MGAT5: variants seen among roughly 807,000 people sequenced by gnomAD.
MGAT5 encodes alpha-1,6-mannosylglycoprotein 6-beta-N-acetylglucosaminyltransferase.
In MGAT5, 30 loss-of-function variants were observed where a neutral mutation model predicts 94.3. The observed-to-expected ratio is 0.32, with a 90% CI of 0.24 to 0.43. The LOEUF (loss-of-function observed/expected upper bound fraction) is 0.43, where lower values mean the gene tolerates loss of function less well. MGAT5 is among the 20% of genes least tolerant of loss of function. The probability of loss-of-function intolerance (pLI) is 1.00; values close to 1 mark genes in which losing one functional copy is unlikely to be tolerated. For missense variants in MGAT5, 691 were observed against 905.5 expected, an observed-to-expected ratio of 0.76 and a Z score of 3.04; for synonymous variants, 310 against 322.9, an observed-to-expected ratio of 0.96 and a Z score of 0.43.
intron 10 of MGAT5, among the ~76,000 whole-genome samples, chr2:134,385,116 T>C (rs990252098): frequency 1.3e-5 from 2 of 152,224 alleles, no homozygotes; most frequent in Non-Finnish European, 2.9e-5. Context: ...AAGCTGCTGT[T>C]ATTGATTCTA....
Position 134,399,320 on chromosome 2 carries a change from T to C in MGAT5, c.1381-3668T>C, listed in dbSNP as rs193213880. Among the ~76,000 whole-genome samples the C allele has an allele frequency of 2.0e-4, 30 of 152,300 alleles. No individual in the cohort carries two copies. The East Asian group carries it at 5.4e-3, about 27-fold the overall frequency. On this transcript the variant is annotated intron_variant, in intron 10 of 15. Coordinates refer to ENST00000281923, the MANE Select transcript of MGAT5 (RefSeq NM_002410.5). ...GTAAATTGAATTGTTTTTCTAAAGC[T>C]TTCTCTCCAAGCTCTAAATATCTTA... is the stretch of plus-strand genomic sequence containing the variant.
chr2:134,435,806 A>G (rs1685137701), intron 14 of MGAT5, among the ~76,000 whole-genome samples: 1 of 152,236 alleles, frequency 6.6e-6, no homozygotes, highest in Non-Finnish European at 1.5e-5. Flanking sequence ...AGGAATGAGT[A>G]CTTATGATAA....
chr2:134,204,923 C>A (rs1370106477), intron 1 of MGAT5, among the ~76,000 whole-genome samples: 2 of 152,064 alleles, frequency 1.3e-5, no homozygotes, highest in African/African-American at 4.8e-5. Context: ...TGAGTGGTTG[C>A]TTTTGGTAGG....
At chr2:134,259,457 T>C (rs1683184630) in intron 1 of MGAT5, among the ~76,000 whole-genome samples, 1 of 152,224 alleles carries the variant, frequency 6.6e-6, no homozygotes, top group Non-Finnish European at 1.5e-5. Flanking sequence ...TGAACAGTAA[T>C]GGAAATCTGA....
intron 14 of MGAT5, 124 bp downstream of exon 14, chr2:134,428,563 T>A: frequency 1.2e-6 from 1 of 805,154 alleles, no homozygotes; most frequent in Non-Finnish European, 2.0e-6. Flanking sequence ...TGGGAGACTC[T>A]AGAAGCTGGA....
intron 1 of MGAT5, among the ~76,000 whole-genome samples, chr2:134,260,342 G>A (rs956456035): frequency 6.6e-6 from 1 of 152,226 alleles, no homozygotes; most frequent in Non-Finnish European, 1.5e-5. Context: ...GCTTTTGGTT[G>A]CTGGTTGGGG....
rs1679967314 is a variant in MGAT5, at chr2:134,205,130, A to G, written c.-142-49132A>G. Among the ~76,000 whole-genome samples, 4 of 152,220 alleles carry G rather than the reference A, an allele frequency of 2.6e-5. No homozygotes were observed. In the South Asian group the frequency reaches 6.2e-4, roughly 24 times the overall value. On this transcript the variant is annotated intron_variant, in intron 1 of 16. Transcript: ENST00000409645. ...ATGGCATGTGAGTAAGAAAGAGAGT[A>G]GGAGAGAGGTCAAGGGGTAGGCAGT...
intron 15 of MGAT5, among the ~76,000 whole-genome samples, chr2:134,442,992 A>G (rs527623783): frequency 6.6e-6 from 1 of 152,256 alleles, no homozygotes; most frequent in South Asian, 2.1e-4. Flanking sequence ...GTCCCTGTTC[A>G]GGCTTCACGC....
At chr2:134,234,989 A>AT (rs11428271) in intron 1 of MGAT5, among the ~76,000 whole-genome samples, 120,418 of 150,828 alleles carry the variant, frequency 0.8, 48,269 homozygotes, top group Non-Finnish European at 0.82. Flanking sequence ...GACCACCAGA[A>AT]TTTTTTTTTT....
intron 10 of MGAT5, among the ~76,000 whole-genome samples, chr2:134,381,382 TTAGATAGATAGATAGA>T (rs61246431): frequency 1.0e-4 from 11 of 108,506 alleles, no homozygotes; most frequent in African/African-American, 3.3e-4. Context: ...ATAAGATAGA[TTAGATAGATAGATAGA>T]TAGATAGATA....
At chr2:134,127,520 C>A (rs1428123340) in intron 1 of MGAT5, among the ~76,000 whole-genome samples, 2 of 126,654 alleles carry the variant, frequency 1.6e-5, no homozygotes, top group African/African-American at 2.7e-5. Flanking sequence ...CTTGTTCCAA[C>A]CCCCCCAAAA....
At chr2:134,412,815 G>T (rs1226532318) in intron 11 of MGAT5, 54 bp from the exon 12 acceptor site, 1 of 1,596,136 alleles carries the variant, frequency 6.3e-7, no homozygotes, top group Non-Finnish European at 8.6e-7. Flanking sequence ...TGCCCGTCCT[G>T]CCTGATGGTC....
At chr2:134,403,625 C>G (rs191401982) in intron 11 of MGAT5, among the ~76,000 whole-genome samples, 1 of 152,300 alleles carries the variant, frequency 6.6e-6, no homozygotes, top group South Asian at 2.1e-4. Context: ...GCTCAGGAAG[C>G]AGAGCAAGCA....
intron 1 of MGAT5, among the ~76,000 whole-genome samples, chr2:134,264,515 A>G (rs1683571446): frequency 6.6e-6 from 1 of 152,152 alleles, no homozygotes; most frequent in Non-Finnish European, 1.5e-5. Context: ...AATGTAATTT[A>G]ATCTTTTTAT....
chr2:134,358,343 T>A (rs982746097), intron 9 of MGAT5, among the ~76,000 whole-genome samples: 1 of 152,200 alleles, frequency 6.6e-6, no homozygotes, highest in Non-Finnish European at 1.5e-5. Context: ...ATGTAACTTA[T>A]TTTTTCTCAT....
intron 1 of MGAT5, among the ~76,000 whole-genome samples, chr2:134,242,349 A>C (rs1156761337): frequency 6.6e-6 from 1 of 152,208 alleles, no homozygotes; most frequent in African/African-American, 2.4e-5. Context: ...TTGTCCTATA[A>C]GGACTCCTAG....
intron 1 of MGAT5, among the ~76,000 whole-genome samples, chr2:134,189,602 G>GGTTTTTTTTTTTTTTTTTTTT (rs1558978046): frequency 2.4e-5 from 2 of 84,672 alleles, no homozygotes; most frequent in South Asian, 4.2e-4. Flanking sequence ...GTTTTTTTTT[G>GGTTTTTTTTTTTTTTTTTTTT]TTTTTTTTTT....
At chr2:134,364,939 G>A (rs546032001) in intron 10 of MGAT5, among the ~76,000 whole-genome samples, 6 of 152,290 alleles carry the variant, frequency 3.9e-5, no homozygotes, top group East Asian at 3.9e-4. Flanking sequence ...TACTCCAACC[G>A]CATTTCTAAA....
At chr2:134,251,669 C>T (rs1356671), upstream of MGAT5, among the ~76,000 whole-genome samples, 5,615 of 152,184 alleles carry the variant, frequency 0.037, 143 homozygotes, top group Non-Finnish European at 0.054. Context: ...TAATGGAGTA[C>T]CATGTGAGAT....
Sources: allele counts gnomAD v4.1 joint callset (sites outside exome capture counted in the v4.1 genomes callset), GRCh38; gene constraint gnomAD v4.1.1; transcripts MANE v1.5; gene names NCBI Gene and HGNC (gene_info 2026-07-23, HGNC 2026-07-21).